The following UCHL3 variants were observed in gnomAD, a reference collection of about 807,000 sequenced individuals.
The protein encoded by UCHL3 is ubiquitin carboxyl-terminal hydrolase isozyme L3.
In UCHL3, 22 loss-of-function variants were observed where a neutral mutation model predicts 35.8. The ratio of observed to expected loss-of-function variants is 0.61; its 90% confidence interval spans 0.44 to 0.88. The LOEUF (loss-of-function observed/expected upper bound fraction) is 0.88, where lower values mean the gene tolerates loss of function less well. Among genes scored for constraint, UCHL3 ranks in the 40% least tolerant of loss-of-function variants. The probability of loss-of-function intolerance (pLI) is 0.00; values close to 1 mark genes in which losing one functional copy is unlikely to be tolerated. For synonymous variants in UCHL3, 90 were observed against 92.8 expected, an observed-to-expected ratio of 0.97 and a Z score of 0.17; for missense variants, 229 against 276.9, an observed-to-expected ratio of 0.83 and a Z score of 1.23.
Position 75,567,315 on chromosome 13 carries a change from C to A in UCHL3, c.426+3C>A. On this transcript the variant is annotated splice_donor_region_variant and intron_variant, in intron 5 of 8. Coordinates refer to ENST00000377595, the MANE Select transcript of UCHL3 (RefSeq NM_006002.5). ...CCAGATACCTGGAGAACTATGATGT[C>A]GGTACCTTCTTTCCGTTTTGATCTC... The A allele has an allele frequency of 1.2e-6, 2 of 1,613,664 alleles. No individual in the cohort carries two copies. The highest frequency in any genetic ancestry group is 1.7e-6 in the Non-Finnish European group (2 of 1,179,724).
At chr13:75,592,454 A>ACG (rs1566228202) in intron 6 of UCHL3, among the ~76,000 whole-genome samples, 1 of 118,832 alleles carries the variant, frequency 8.4e-6, no homozygotes, top group African/African-American at 3.1e-5. Context: ...ATATATATAT[A>ACG]TATATATATA....
At chr13:75,551,800 T>A (rs569152691) in intron 2 of UCHL3, among the ~76,000 whole-genome samples, 1 of 152,340 alleles carries the variant, frequency 6.6e-6, no homozygotes, top group African/African-American at 2.4e-5. Context: ...TTCTAGGGTG[T>A]CTTGAAAAAC....
chr13:75,561,112 T>G (rs974972897), intron 3 of UCHL3, among the ~76,000 whole-genome samples: 2 of 152,112 alleles, frequency 1.3e-5, no homozygotes, highest in African/African-American at 4.8e-5. Flanking sequence ...TGTGTTTTAT[T>G]TTTGTAGAGA....
chr13:75,602,957 T>C (rs1010414231), intron 7 of UCHL3, among the ~76,000 whole-genome samples: 7 of 152,202 alleles, frequency 4.6e-5, no homozygotes, highest in African/African-American at 1.7e-4. Context: ...GGAAAATTGC[T>C]CACTGCCATT....
At chr13:75,581,064 T>C (rs943328067) in intron 6 of UCHL3, among the ~76,000 whole-genome samples, 21 of 152,206 alleles carry the variant, frequency 1.4e-4, no homozygotes, top group Admixed American at 2.0e-4. Context: ...GATTTTTTTT[T>C]CCTATTAACC....
At chr13:75,565,677 G>A (rs1187368375) in intron 3 of UCHL3, among the ~76,000 whole-genome samples, 1 of 152,180 alleles carries the variant, frequency 6.6e-6, no homozygotes, top group Non-Finnish European at 1.5e-5. Context: ...AAGAGGCAGT[G>A]GGCCAGATTT....
At chr13:75,588,684 G>T (rs1346865670) in intron 6 of UCHL3, among the ~76,000 whole-genome samples, 6 of 152,128 alleles carry the variant, frequency 3.9e-5, no homozygotes, top group African/African-American at 1.2e-4. Context: ...AATTTTCACA[G>T]TTGACAAGAG....
rs1361286530 is a variant in UCHL3, at chr13:75,567,243, GA to G, written c.363del (p.Lys121AsnfsTer9). 1 of 1,613,986 alleles carries G rather than the reference GA, an allele frequency of 6.2e-7. No homozygotes were observed. Among genetic ancestry groups the G allele is most frequent in the South Asian group, 1.1e-5 (1 of 91,066 alleles). On this transcript the variant is annotated frameshift_variant, in exon 5 of 9. Transcript: ENST00000377595. LOFTEE classifies it high-confidence loss of function. ...KMHFESGSTL[K>X]KFLEESVSMS... Reference sequence around the variant, plus strand: ...TATTCTCAGAATCTGGATCAACCTTGAAAAAATTCCTGGAGGAATCTGTGTC... The same window carrying G: ...TATTCTCAGAATCTGGATCAACCTTGAAAAATTCCTGGAGGAATCTGTGTC...
intron 7 of UCHL3, among the ~76,000 whole-genome samples, chr13:75,598,899 G>C (rs1187445634): frequency 6.6e-6 from 1 of 152,098 alleles, no homozygotes; most frequent in Admixed American, 6.5e-5. Flanking sequence ...AACATTAGAA[G>C]CTTTCCTTTT....
chr13:75,554,742 C>G (rs1469573949), intron 2 of UCHL3, among the ~76,000 whole-genome samples: 1 of 149,138 alleles, frequency 6.7e-6, no homozygotes, highest in Non-Finnish European at 1.5e-5. Context: ...TTAGAAGATA[C>G]TTGAAACTTT....
chr13:75,569,873 T>C (rs955287361), intron 6 of UCHL3, among the ~76,000 whole-genome samples: 1 of 152,260 alleles, frequency 6.6e-6, no homozygotes, highest in African/African-American at 2.4e-5. Flanking sequence ...CCTGTGTCTT[T>C]ATTGTGTCCT....
At chr13:75,557,794 A>C (rs1012055179) in intron 2 of UCHL3, among the ~76,000 whole-genome samples, 10 of 152,216 alleles carry the variant, frequency 6.6e-5, no homozygotes, top group African/African-American at 2.4e-4. Context: ...AATTATTGTA[A>C]AACTAATGCT....
At chr13:75,592,425 T>TATATGTATATATATATAC (rs1172818362) in intron 6 of UCHL3, among the ~76,000 whole-genome samples, 1 of 63,450 alleles carries the variant, frequency 1.6e-5, no homozygotes, top group African/African-American at 6.2e-5. Context: ...CATATATATA[T>TATATGTATATATATATAC]ATATATATAT....
Position 75,552,845 on chromosome 13 carries a change from A to AT in UCHL3, c.54+2864dup, listed in dbSNP as rs561237380. ...ACCGTACTAAATCTTCATTGTGATTATTTTTTGTGATTTGAGTACAGTACA... is the reference window on the plus strand; with the variant it reads ...ACCGTACTAAATCTTCATTGTGATTATTTTTTTGTGATTTGAGTACAGTACA... On this transcript the variant is annotated intron_variant, in intron 2 of 8. Transcript: ENST00000377595. Among the ~76,000 whole-genome samples the AT allele has an allele frequency of 7.2e-5, 11 of 152,286 alleles. No individual in the cohort carries two copies. In the East Asian group the frequency reaches 1.7e-3, roughly 24 times the overall value.
chr13:75,555,125 T>A (rs1029846872), intron 2 of UCHL3, among the ~76,000 whole-genome samples: 5 of 152,236 alleles, frequency 3.3e-5, no homozygotes, highest in Admixed American at 3.3e-4. Flanking sequence ...AGTCTTCGAA[T>A]GTGGAGTCTG....
In UCHL3 at chr13:75,556,418, G is replaced by A. The variant is rs59542200; in HGVS notation, c.55-4335G>A. ...GGCAGTAATATCAAGTAATTGCTAG[G>A]TAAGTATAATTTTACATCATAATTC... On this transcript the variant is annotated intron_variant, in intron 2 of 8. Transcript: ENST00000377595. Among the ~76,000 whole-genome samples, 410 of 152,260 alleles carry A rather than the reference G, an allele frequency of 2.7e-3. 1 individual carries two copies. The highest frequency in any genetic ancestry group is 9.0e-3 in the African/African-American group (374 of 41,552).
chr13:75,585,655 G>A (rs967281333), intron 6 of UCHL3, among the ~76,000 whole-genome samples: 2 of 151,992 alleles, frequency 1.3e-5, no homozygotes, highest in African/African-American at 4.8e-5. Context: ...AGTAAAAGAT[G>A]ATTAGGATTA....
intron 6 of UCHL3, among the ~76,000 whole-genome samples, chr13:75,580,879 A>G (rs1441945128): frequency 6.6e-6 from 1 of 152,254 alleles, no homozygotes; most frequent in Non-Finnish European, 1.5e-5. Flanking sequence ...CTGAAACTAA[A>G]TAAAATGAGG....
chr13:75,589,566 G>C (rs1012382422), intron 6 of UCHL3, among the ~76,000 whole-genome samples: 1 of 151,652 alleles, frequency 6.6e-6, no homozygotes, highest in Non-Finnish European at 1.5e-5. Flanking sequence ...TCTTCTACCC[G>C]TTATTCTTTG....
Sources: allele counts gnomAD v4.1 joint callset (sites outside exome capture counted in the v4.1 genomes callset), GRCh38; gene constraint gnomAD v4.1.1; transcripts MANE v1.5; gene names NCBI Gene and HGNC (gene_info 2026-07-23, HGNC 2026-07-21).